Variants in MEGF11 observed in about 807,000 individuals in gnomAD.
MEGF11 encodes the protein multiple EGF like domains 11.
Under a neutral mutation model 146.6 loss-of-function variants are expected in MEGF11, and 126 were observed. The observed-to-expected ratio is 0.86, with a 90% CI of 0.74 to 1.00. MEGF11 has a LOEUF of 1.00. MEGF11 is among the 50% of genes least tolerant of loss of function. MEGF11 has a pLI of 0.00. For synonymous variants in MEGF11, 532 were observed against 583.4 expected, an observed-to-expected ratio of 0.91 and a Z score of 1.27; for missense variants, 1,509 against 1,521.2, an observed-to-expected ratio of 0.99 and a Z score of 0.13.
chr15:65,984,265 C>T (rs559713318), intron 5 of MEGF11, among the ~76,000 whole-genome samples: 1 of 152,164 alleles, frequency 6.6e-6, no homozygotes, highest in African/African-American at 2.4e-5. Context: ...GTGGCTCATA[C>T]CTGTAATCCT....
chr15:66,251,280 G>T (rs2092366610), intron 1 of MEGF11, among the ~76,000 whole-genome samples: 1 of 152,174 alleles, frequency 6.6e-6, no homozygotes, highest in Non-Finnish European at 1.5e-5. Context: ...TCCCCAAATG[G>T]AAACCTACCC....
chr15:66,019,836 C>A (rs2083042632), intron 5 of MEGF11, among the ~76,000 whole-genome samples: 1 of 152,230 alleles, frequency 6.6e-6, no homozygotes, highest in Admixed American at 6.5e-5. Flanking sequence ...GACTTAGAGC[C>A]AGGGTGTGGG....
intron 5 of MEGF11, among the ~76,000 whole-genome samples, chr15:66,031,727 G>A (rs907065979): frequency 4.6e-5 from 7 of 152,208 alleles, no homozygotes; most frequent in Non-Finnish European, 7.3e-5. Flanking sequence ...GCTTCCAAAT[G>A]TGTAAAATGA....
intron 22 of MEGF11, 142 bp downstream of exon 22, chr15:65,909,598 G>T: frequency 1.4e-6 from 1 of 732,214 alleles, no homozygotes; most frequent in Non-Finnish European, 2.3e-6. Flanking sequence ...GGCTTCATCT[G>T]CTTGTGAGAG....
chr15:66,033,869 G>A (rs2083626710), intron 5 of MEGF11, among the ~76,000 whole-genome samples: 1 of 152,190 alleles, frequency 6.6e-6, no homozygotes, highest in African/African-American at 2.4e-5. Context: ...TTGGCTTACT[G>A]CAACTTCTGC....
intron 5 of MEGF11, among the ~76,000 whole-genome samples, chr15:66,078,851 T>C (rs2085709176): frequency 6.6e-6 from 1 of 152,176 alleles, no homozygotes; most frequent in Non-Finnish European, 1.5e-5. Flanking sequence ...CTGTGTGTCA[T>C]TTATTTATTC....
intron 3 of MEGF11, among the ~76,000 whole-genome samples, chr15:66,123,036 G>C (rs2088128195): frequency 6.6e-6 from 1 of 152,172 alleles, no homozygotes; most frequent in East Asian, 1.9e-4. Flanking sequence ...GCCCACCTCG[G>C]CCTCCCAAAG....
chr15:66,032,514 G>C (rs900814499), intron 5 of MEGF11, among the ~76,000 whole-genome samples: 45 of 152,368 alleles, frequency 3.0e-4, no homozygotes, highest in African/African-American at 1.1e-3. Flanking sequence ...GAACTTTTTA[G>C]AGATTAAATG....
At chr15:66,139,189 T>G (rs1325715091) in intron 1 of MEGF11, among the ~76,000 whole-genome samples, 1 of 152,166 alleles carries the variant, frequency 6.6e-6, no homozygotes, top group Non-Finnish European at 1.5e-5. Context: ...TGAACTCTAA[T>G]TTCCTGGAGG....
At chr15:66,156,924 A>T (rs1341058896) in intron 1 of MEGF11, among the ~76,000 whole-genome samples, 2 of 151,920 alleles carry the variant, frequency 1.3e-5, no homozygotes. Flanking sequence ...GTCCCTTCCC[A>T]CCGGCCTTGG....
intron 1 of MEGF11, among the ~76,000 whole-genome samples, chr15:66,211,065 C>A (rs1027115952): frequency 2.6e-5 from 4 of 152,192 alleles, no homozygotes; most frequent in Non-Finnish European, 5.9e-5. Context: ...AAGAGAGGGG[C>A]TTTGGCCCTC....
chr15:66,065,811 G>T (rs1213062971), intron 5 of MEGF11, among the ~76,000 whole-genome samples: 1 of 152,156 alleles, frequency 6.6e-6, no homozygotes, highest in Non-Finnish European at 1.5e-5. Context: ...CCACTGTGGA[G>T]GGTATTTAAG....
intron 13 of MEGF11, among the ~76,000 whole-genome samples, chr15:65,926,779 C>T (rs1360206112): frequency 6.6e-6 from 1 of 152,232 alleles, no homozygotes; most frequent in Admixed American, 6.5e-5. Context: ...TTTTTAAGCA[C>T]TAGATGTCAT....
At chr15:65,914,102 G>C (rs1436970945) in intron 19 of MEGF11, 129 bp from the exon 20 acceptor site, 1 of 689,490 alleles carries the variant, frequency 1.5e-6, no homozygotes, top group Non-Finnish European at 2.5e-6. Flanking sequence ...CCCGATTCCT[G>C]AGTCCCTATG....
rs930461118 is a variant in MEGF11, at chr15:65,982,943, C to T, written c.395-455G>A. Among the ~76,000 whole-genome samples the T allele has an allele frequency of 1.3e-5, 2 of 152,070 alleles. No individual in the cohort carries two copies. Among genetic ancestry groups the T allele is most frequent in the African/African-American group, 4.8e-5 (2 of 41,380 alleles). On this transcript the variant is annotated intron_variant, in intron 5 of 25. Transcript: ENST00000395614. This position sits in a 1 kb window ranked among gnomAD's most constrained non-coding sequence, Gnocchi z 5.6. ...CCTACCCCTCTCTTCTTGGGACCTG[C>T]GGGACCCAGCCCATTCCAGCTCCCA...
chr15:66,152,593 C>G (rs765809975), intron 1 of MEGF11, among the ~76,000 whole-genome samples: 5 of 152,208 alleles, frequency 3.3e-5, no homozygotes, highest in Non-Finnish European at 5.9e-5. Flanking sequence ...ATCCCTTGGC[C>G]CAGTGGGGGA....
chr15:66,184,543 C>T (rs1169962542), intron 1 of MEGF11, among the ~76,000 whole-genome samples: 2 of 152,070 alleles, frequency 1.3e-5, no homozygotes, highest in East Asian at 1.9e-4. Flanking sequence ...TCCTCACTCT[C>T]CCCACAACCC....
At chr15:66,055,576 G>C (rs2084640604) in intron 5 of MEGF11, among the ~76,000 whole-genome samples, 1 of 152,192 alleles carries the variant, frequency 6.6e-6, no homozygotes, top group African/African-American at 2.4e-5. Context: ...TCTCATTTCA[G>C]AGCATAGAGC....
intron 5 of MEGF11, among the ~76,000 whole-genome samples, chr15:66,086,478 T>C (rs1310977754): frequency 1.3e-5 from 2 of 152,162 alleles, no homozygotes; most frequent in African/African-American, 4.8e-5. Context: ...AGAAACCCTA[T>C]AAGCTAGAAG....
Sources: gnomAD v4.1 joint callset for allele counts (sites outside exome capture counted in the v4.1 genomes callset) on GRCh38, gnomAD v4.1.1 for gene constraint, Gnocchi (gnomAD v3.1) non-coding constraint, MANE v1.5 for transcripts, NCBI Gene and HGNC (gene_info 2026-07-23, HGNC 2026-07-21) for gene names.